The following ADAMTSL1 variants were observed in gnomAD, a reference collection of about 807,000 sequenced individuals.
ADAMTSL1 encodes ADAMTS-like protein 1.
ADAMTSL1 carries 126 observed loss-of-function variants against 201.8 expected under a neutral mutation model. The observed-to-expected ratio is 0.62, with a 90% CI of 0.54 to 0.72. The LOEUF (loss-of-function observed/expected upper bound fraction) is 0.72. ADAMTSL1 is among the 30% of genes least tolerant of loss of function. The pLI is 0.00. For missense variants in ADAMTSL1, 2,679 were observed against 2,277.8 expected, an observed-to-expected ratio of 1.18 and a Z score of -3.59; for synonymous variants, 1,121 against 903.4, an observed-to-expected ratio of 1.24 and a Z score of -4.32.
chr9:18,778,000 G>A, intron 19 of ADAMTSL1, 94 bp downstream of exon 19: 1 of 1,475,718 alleles, frequency 6.8e-7, no homozygotes, highest in Non-Finnish European at 9.0e-7. Flanking sequence ...GGTGTTTCCA[G>A]GGGTAGGGCT....
chr9:18,723,152 T>G, intron 15 of ADAMTSL1: 1 of 728,738 alleles, frequency 1.4e-6, no homozygotes, highest in South Asian at 1.5e-5. Context: ...TTTCCACATC[T>G]GCAAAGTGAA....
intron 15 of ADAMTSL1, among the ~76,000 whole-genome samples, chr9:18,728,081 A>AAAAT (rs61237330): frequency 0.046 from 6,552 of 143,976 alleles, 212 homozygotes; most frequent in Admixed American, 0.087. Context: ...CTCTGTCTCA[A>AAAAT]AAATAAATAA....
At chr9:18,178,474 T>C (rs1308115544) in intron 2 of ADAMTSL1, among the ~76,000 whole-genome samples, 1 of 152,116 alleles carries the variant, frequency 6.6e-6, no homozygotes, top group Admixed American at 6.5e-5. Context: ...TTGCCCAGGC[T>C]TGCTTAGGTG....
chr9:18,037,951 G>GTCTCT (rs148063726), intron 1 of ADAMTSL1, among the ~76,000 whole-genome samples: 8 of 151,852 alleles, frequency 5.3e-5, no homozygotes, highest in Non-Finnish European at 1.0e-4. Context: ...GTCTGGTCTG[G>GTCTCT]TCTGGCATAT....
At chr9:18,631,192 G>C (rs900869175) in intron 5 of ADAMTSL1, among the ~76,000 whole-genome samples, 7 of 152,176 alleles carry the variant, frequency 4.6e-5, no homozygotes, top group African/African-American at 1.4e-4. Flanking sequence ...TACATATAAA[G>C]ATGAAGTAGA....
intron 14 of ADAMTSL1, among the ~76,000 whole-genome samples, chr9:18,714,928 G>T (rs1013568044): frequency 6.7e-6 from 1 of 149,216 alleles, no homozygotes; most frequent in Non-Finnish European, 1.5e-5. Context: ...TCCCTGGGAT[G>T]CAAGGCTGGT....
At chr9:18,651,620 G>C (rs961672494) in intron 7 of ADAMTSL1, among the ~76,000 whole-genome samples, 2 of 152,154 alleles carry the variant, frequency 1.3e-5, no homozygotes, top group African/African-American at 4.8e-5. Flanking sequence ...AAAAGGTATT[G>C]CATATCTATA....
chr9:18,869,604 C>A (rs1430140684), intron 23 of ADAMTSL1, among the ~76,000 whole-genome samples: 1 of 152,156 alleles, frequency 6.6e-6, no homozygotes, highest in Non-Finnish European at 1.5e-5. Flanking sequence ...CCGGGTTCAC[C>A]AGTTTATGTT....
intron 1 of ADAMTSL1, among the ~76,000 whole-genome samples, chr9:18,489,541 A>G (rs1822164982): frequency 6.6e-6 from 1 of 152,230 alleles, no homozygotes; most frequent in South Asian, 2.1e-4. Flanking sequence ...AATAGGAACC[A>G]TGAACATGTT....
chr9:18,232,587 T>C (rs759470649), intron 2 of ADAMTSL1, among the ~76,000 whole-genome samples: 1 of 152,212 alleles, frequency 6.6e-6, no homozygotes, highest in Non-Finnish European at 1.5e-5. Flanking sequence ...TGTTGATTGA[T>C]TGATTGAATG....
intron 2 of ADAMTSL1, among the ~76,000 whole-genome samples, chr9:18,304,710 A>G (rs1047491901): frequency 5.3e-5 from 8 of 151,932 alleles, no homozygotes; most frequent in African/African-American, 9.7e-5. Context: ...TCTAATGAAT[A>G]GTAAGATTCT....
intron 2 of ADAMTSL1, among the ~76,000 whole-genome samples, chr9:18,460,376 G>C (rs1252578787): frequency 6.6e-6 from 1 of 152,132 alleles, no homozygotes; most frequent in East Asian, 1.9e-4. Flanking sequence ...GTATCTGCCT[G>C]AACAGCCAGG....
chr9:18,761,503 T>C (rs1820069502), intron 16 of ADAMTSL1, among the ~76,000 whole-genome samples: 1 of 152,222 alleles, frequency 6.6e-6, no homozygotes, highest in Non-Finnish European at 1.5e-5. Context: ...GCTTATTACA[T>C]ATATTTAAAA....
At chr9:18,502,569 T>C (rs1453112899) in intron 1 of ADAMTSL1, among the ~76,000 whole-genome samples, 2 of 152,206 alleles carry the variant, frequency 1.3e-5, no homozygotes, top group Non-Finnish European at 2.9e-5. Flanking sequence ...AGAGCACCTC[T>C]TATTGCAGTG....
At chr9:18,187,285 C>T (rs915312997) in intron 2 of ADAMTSL1, among the ~76,000 whole-genome samples, 1 of 152,104 alleles carries the variant, frequency 6.6e-6, no homozygotes, top group Non-Finnish European at 1.5e-5. Flanking sequence ...CAATGTTTAT[C>T]ATTGTTCCTG....
At chr9:18,062,636 T>G (rs1423747022) in intron 1 of ADAMTSL1, among the ~76,000 whole-genome samples, 2 of 152,080 alleles carry the variant, frequency 1.3e-5, no homozygotes, top group Non-Finnish European at 2.9e-5. Context: ...AGGAGAACAG[T>G]CATAACATAA....
chr9:18,085,582 G>GTGTGTGTATACGTATATACAC (rs1563990925), intron 1 of ADAMTSL1, among the ~76,000 whole-genome samples: 82 of 147,312 alleles, frequency 5.6e-4, no homozygotes, highest in African/African-American at 1.6e-3. Context: ...TATACACACT[G>GTGTGTGTATACGTATATACAC]TGTGTGTGTA....
At chr9:18,465,077 T>C (rs577939034) in intron 2 of ADAMTSL1, among the ~76,000 whole-genome samples, 1 of 152,340 alleles carries the variant, frequency 6.6e-6, no homozygotes, top group East Asian at 1.9e-4. Context: ...AGCAAAATTA[T>C]CCTAGAAAAG....
chr9:18,066,048 A>G (rs1366139233), intron 1 of ADAMTSL1, among the ~76,000 whole-genome samples: 1 of 149,326 alleles, frequency 6.7e-6, no homozygotes, highest in Non-Finnish European at 1.5e-5. Context: ...GTTCTCCCTT[A>G]TTTAATCAGA....
Sources: allele counts gnomAD v4.1 joint callset (sites outside exome capture counted in the v4.1 genomes callset), GRCh38; gene constraint gnomAD v4.1.1; transcripts MANE v1.5; gene names NCBI Gene and HGNC (gene_info 2026-07-23, HGNC 2026-07-21).